TMEM236: variants seen among roughly 807,000 people sequenced by gnomAD.
TMEM236 encodes transmembrane protein 236.
In TMEM236, 11 loss-of-function variants were observed where a neutral mutation model predicts 14.7. That is an observed-to-expected ratio of 0.75 (90% CI 0.47 to 1.24). The LOEUF (loss-of-function observed/expected upper bound fraction) is 1.24, where lower values mean the gene tolerates loss of function less well. TMEM236 is among the 50% of genes most tolerant of loss of function. The pLI is 0.00. For synonymous variants in TMEM236, 182 were observed against 168.6 expected (o/e 1.08, Z -0.62); for missense variants, 464 against 427.3 (o/e 1.09, Z -0.76).
intron 1 of TMEM236, among the ~76,000 whole-genome samples, chr10:17,754,962 G>T (rs960913834): frequency 2.6e-4 from 31 of 120,102 alleles, no homozygotes; most frequent in African/African-American, 1.0e-3. Flanking sequence ...ATTTGAGACA[G>T]AGTTTCACTC....
chr10:17,781,178 G>A (rs1837741263), intron 3 of TMEM236, among the ~76,000 whole-genome samples: 1 of 152,180 alleles, frequency 6.6e-6, no homozygotes, highest in Non-Finnish European at 1.5e-5. Flanking sequence ...GTCTGTGTCT[G>A]CAGCTCGATT....
In TMEM236 at chr10:17,778,568, C is replaced by T. The variant is rs947084432; in HGVS notation, c.472+2398C>T. Reference sequence around the variant, plus strand: ...GCAAGTAAAAAAAATTGACTAGAGGCGGGGGATGAACAAGATCTAGAATAA... The same window carrying T: ...GCAAGTAAAAAAAATTGACTAGAGGTGGGGGATGAACAAGATCTAGAATAA... On this transcript the variant is annotated intron_variant, in intron 3 of 3. Transcript: ENST00000377495. Among the ~76,000 whole-genome samples, 465 of 152,078 alleles carry T rather than the reference C, an allele frequency of 3.1e-3. 3 individuals are homozygous for T. Among genetic ancestry groups the T allele is most frequent in the African/African-American group, 8.3e-3 (345 of 41,468 alleles).
chr10:17,791,300 A>G (rs2131766376), intron 3 of TMEM236, among the ~76,000 whole-genome samples: 1 of 151,944 alleles, frequency 6.6e-6, no homozygotes, highest in East Asian at 1.9e-4. Context: ...GTAAAAAAAA[A>G]AAAAAAAATT....
chr10:17,790,882 C>T (rs1837914532), intron 3 of TMEM236, among the ~76,000 whole-genome samples: 2 of 152,230 alleles, frequency 1.3e-5, no homozygotes, highest in Non-Finnish European at 2.9e-5. Context: ...TCTCTTTGCA[C>T]ATCAGCTGCC....
intron 1 of TMEM236, among the ~76,000 whole-genome samples, chr10:17,758,858 T>C (rs982735234): frequency 0.014 from 2,200 of 152,332 alleles, 53 homozygotes; most frequent in African/African-American, 0.05. Context: ...TCAGAAATGT[T>C]TTACATTAAC....
intron 1 of TMEM236, among the ~76,000 whole-genome samples, chr10:17,754,498 TG>T (rs1837254601): frequency 6.6e-6 from 1 of 151,872 alleles, no homozygotes; most frequent in South Asian, 2.1e-4. Flanking sequence ...CTACTTTTTT[TG>T]TGTTTTTTAT....
chr10:17,799,000 T>G lies in TMEM236; in HGVS notation c.*2496T>G. 3.3e-6 allele frequency: 1 copy of G among 299,090 alleles called. No homozygotes were observed. The highest frequency in any genetic ancestry group is 2.2e-5 in the African/African-American group (1 of 45,584). 18.5% of individuals were successfully genotyped at this position (299,090 alleles called of 1,614,324 possible). A position where few individuals can be genotyped will look rare whatever the true frequency, so the allele number is the denominator to read the frequency against. ...TTTGTGAAAAATAATACATACAATCTTAAGGTTACTTCAGACTATACTTTT... is the reference window on the plus strand; with the variant it reads ...TTTGTGAAAAATAATACATACAATCGTAAGGTTACTTCAGACTATACTTTT... On this transcript the variant is annotated 3_prime_UTR_variant, in exon 4 of 4. Coordinates refer to ENST00000377495, the MANE Select transcript of TMEM236 (RefSeq NM_001098844.3).
At chr10:17,761,925 A>C (rs976882493) in intron 1 of TMEM236, among the ~76,000 whole-genome samples, 1,537 of 152,188 alleles carry the variant, frequency 0.01, 28 homozygotes, top group African/African-American at 0.034. Flanking sequence ...CTTCTTTATT[A>C]CCTTGTGTTG....
At chr10:17,787,608 G>T (rs1420037797) in intron 3 of TMEM236, among the ~76,000 whole-genome samples, 2 of 152,184 alleles carry the variant, frequency 1.3e-5, no homozygotes, top group Admixed American at 6.5e-5. Flanking sequence ...TTCCAGAAAA[G>T]AAATTCCTCC....
At chr10:17,790,324 GA>G (rs1183899400) in intron 3 of TMEM236, among the ~76,000 whole-genome samples, 4 of 152,198 alleles carry the variant, frequency 2.6e-5, no homozygotes, top group African/African-American at 9.6e-5. Context: ...CTAGAAGGGT[GA>G]GAATCATACC....
intron 3 of TMEM236, among the ~76,000 whole-genome samples, chr10:17,795,642 G>A (rs1308886768): frequency 2.0e-5 from 3 of 152,162 alleles, no homozygotes; most frequent in African/African-American, 4.8e-5. Context: ...TGTGGGGAGG[G>A]AGAGCATCAG....
chr10:17,776,272 A>G (rs1837657858), intron 3 of TMEM236, 102 bp downstream of exon 3: 1 of 1,124,986 alleles, frequency 8.9e-7, no homozygotes. Context: ...ACCTTTTCTT[A>G]GGGCTAACAT....
intron 3 of TMEM236, among the ~76,000 whole-genome samples, 192 bp from the exon 4 acceptor site, chr10:17,795,729 T>C (rs935840828): frequency 2.0e-5 from 3 of 152,158 alleles, no homozygotes; most frequent in Non-Finnish European, 2.9e-5. Flanking sequence ...ATGGCACACA[T>C]TTGCCTATGT....
At position 17,798,184 on chromosome 10, in the gene TMEM236, C is replaced by T. The variant is rs1838046379; in HGVS notation, c.*1680C>T. ...TAATGATTTATGTAGCCAGTTTCTTCAATGATCTGTGATAACAAATCATTA... is the reference window on the plus strand; with the variant it reads ...TAATGATTTATGTAGCCAGTTTCTTTAATGATCTGTGATAACAAATCATTA... On this transcript the variant is annotated 3_prime_UTR_variant, in exon 4 of 4. Coordinates refer to ENST00000377495, the MANE Select transcript of TMEM236 (RefSeq NM_001098844.3). 4.9e-6 allele frequency: 1 copy of T among 202,594 alleles called. No individual in the cohort carries two copies. Among genetic ancestry groups the T allele is most frequent in the Admixed American group, 5.3e-5 (1 of 18,888 alleles). 12.5% of individuals were successfully genotyped at this position (202,594 alleles called of 1,614,324 possible). A position where few individuals can be genotyped will look rare whatever the true frequency, so the allele number is the denominator to read the frequency against.
chr10:17,795,630 T>G (rs1837999071), intron 3 of TMEM236, among the ~76,000 whole-genome samples: 1 of 151,942 alleles, frequency 6.6e-6, no homozygotes, highest in African/African-American at 2.4e-5. Context: ...AATAATAGAA[T>G]ATGTGGGGAG....
At chr10:17,758,149 A>G (rs1837309288) in intron 1 of TMEM236, among the ~76,000 whole-genome samples, 1 of 152,208 alleles carries the variant, frequency 6.6e-6, no homozygotes, top group South Asian at 2.1e-4. Context: ...GGGGTAATAT[A>G]TAGGGTGTCA....
At chr10:17,762,612 T>TATAC (rs1554834073) in intron 1 of TMEM236, among the ~76,000 whole-genome samples, 1 of 75,964 alleles carries the variant, frequency 1.3e-5, no homozygotes, top group Non-Finnish European at 2.2e-5. Context: ...TATATATATA[T>TATAC]ATATATACAC....
In TMEM236 at chr10:17,796,694, A is replaced by G. The variant is rs1028787917; in HGVS notation, c.*190A>G. The G allele has an allele frequency of 2.1e-5, 13 of 607,448 alleles. No homozygotes were observed. The highest frequency in any genetic ancestry group is 3.7e-5 in the Non-Finnish European group (13 of 347,792). 37.6% of individuals were successfully genotyped at this position (607,448 alleles called of 1,614,324 possible). A position where few individuals can be genotyped will look rare whatever the true frequency, so the allele number is the denominator to read the frequency against. Reference sequence around the variant, plus strand: ...TATACAAATGGTGCTAAATTTAAGTAAAGTAATATTCTTATAAGTTGGCTC... The same window carrying G: ...TATACAAATGGTGCTAAATTTAAGTGAAGTAATATTCTTATAAGTTGGCTC... On this transcript the variant is annotated 3_prime_UTR_variant, in exon 4 of 4. Coordinates refer to ENST00000377495, the MANE Select transcript of TMEM236 (RefSeq NM_001098844.3).
Position 17,796,284 on chromosome 10 carries a change from G to A in TMEM236, c.836G>A (p.Arg279Gln), listed in dbSNP as rs988595929. 32 of 1,613,696 alleles carry A rather than the reference G, an allele frequency of 2.0e-5. No individual in the cohort carries two copies. In the East Asian group the frequency reaches 2.4e-4, roughly 12 times the overall value. ...VYIFSFISLL[R>Q]ITFTPQNPLL... ...ATATTCAGTTTTATTTCTCTCCTTCGAATTACATTCACTCCCCAAAACCCT... is the reference window on the plus strand; with the variant it reads ...ATATTCAGTTTTATTTCTCTCCTTCAAATTACATTCACTCCCCAAAACCCT... The change falls in exon 4 of 4, where the codon CGA becomes CAA. Residue 279 changes from arginine to glutamine, a missense_variant. By Grantham distance (43) the Arg-to-Gln change is conservative. Coordinates refer to ENST00000377495, the MANE Select transcript of TMEM236 (RefSeq NM_001098844.3).
Sources: allele counts gnomAD v4.1 joint callset (sites outside exome capture counted in the v4.1 genomes callset), GRCh38; gene constraint gnomAD v4.1.1; transcripts MANE v1.5; gene names NCBI Gene and HGNC (gene_info 2026-07-23, HGNC 2026-07-21).